SIK3: variants seen among roughly 807,000 people sequenced by gnomAD.
The protein encoded by SIK3 is serine/threonine-protein kinase SIK3.
In SIK3, 28 loss-of-function variants were observed where a neutral mutation model predicts 144.2. That is an observed-to-expected ratio of 0.19 (90% CI 0.14 to 0.27). The LOEUF (loss-of-function observed/expected upper bound fraction) is 0.27, where lower values mean the gene tolerates loss of function less well. SIK3 is among the 10% of genes least tolerant of loss of function. The pLI, the probability that SIK3 is intolerant of heterozygous loss-of-function variation, is 1.00. For missense variants in SIK3, 1,319 were observed against 1,776.0 expected, an observed-to-expected ratio of 0.74 and a Z score of 4.62; for synonymous variants, 686 against 676.3, an observed-to-expected ratio of 1.01 and a Z score of -0.22.
intron 1 of SIK3, among the ~76,000 whole-genome samples, chr11:116,978,830 C>T (rs1406680010): frequency 1.3e-5 from 2 of 152,044 alleles, no homozygotes; most frequent in East Asian, 3.8e-4. Context: ...TTCTAACTGC[C>T]TTTTTTGATC....
chr11:116,919,560 A>G (rs1337053148), intron 4 of SIK3, among the ~76,000 whole-genome samples: 2 of 152,244 alleles, frequency 1.3e-5, no homozygotes, highest in African/African-American at 4.8e-5. Context: ...CACAATTTTC[A>G]GAACATTCTT....
At chr11:116,875,023 AT>A in intron 11 of SIK3, 134 bp downstream of exon 11, 1 of 656,276 alleles carries the variant, frequency 1.5e-6, no homozygotes, top group Non-Finnish European at 2.7e-6. Flanking sequence ...ACATCATATC[AT>A]TTGTCCACTT....
intron 1 of SIK3, among the ~76,000 whole-genome samples, chr11:117,069,207 G>A (rs566608988): frequency 6.9e-6 from 1 of 145,358 alleles, no homozygotes; most frequent in Non-Finnish European, 1.5e-5. Flanking sequence ...GTTTGTTGTT[G>A]TTATTTTATG....
At chr11:116,978,826 CT>C (rs1950042837) in intron 1 of SIK3, among the ~76,000 whole-genome samples, 1 of 152,048 alleles carries the variant, frequency 6.6e-6, no homozygotes, top group Non-Finnish European at 1.5e-5. Flanking sequence ...TTATTTCTAA[CT>C]GCCTTTTTTG....
intron 4 of SIK3, among the ~76,000 whole-genome samples, chr11:116,915,799 T>C (rs1313361583): frequency 1.3e-5 from 2 of 152,202 alleles, no homozygotes; most frequent in East Asian, 1.9e-4. Flanking sequence ...CAATTTGAAT[T>C]TCAACATTAG....
intron 4 of SIK3, among the ~76,000 whole-genome samples, chr11:116,897,644 A>C (rs1945482581): frequency 6.6e-6 from 1 of 152,162 alleles, no homozygotes; most frequent in Non-Finnish European, 1.5e-5. Flanking sequence ...TAATCCCATC[A>C]CTTTGTGAGG....
intron 1 of SIK3, among the ~76,000 whole-genome samples, chr11:117,045,386 G>A (rs1473903111): frequency 6.6e-6 from 1 of 152,250 alleles, no homozygotes; most frequent in Non-Finnish European, 1.5e-5. Flanking sequence ...TAGTGGAACT[G>A]TTCCAGAGTT....
At chr11:116,871,664 AGT>A (rs1443806752) in intron 13 of SIK3, among the ~76,000 whole-genome samples, 1 of 152,242 alleles carries the variant, frequency 6.6e-6, no homozygotes, top group East Asian at 1.9e-4. Flanking sequence ...AATGGATGAC[AGT>A]GACCTGAGTT....
intron 1 of SIK3, among the ~76,000 whole-genome samples, chr11:117,001,275 G>A (rs988158731): frequency 1.3e-5 from 2 of 152,144 alleles, no homozygotes; most frequent in Non-Finnish European, 2.9e-5. Context: ...GGAGGCCAAG[G>A]CAGGTGCATC....
intron 4 of SIK3, among the ~76,000 whole-genome samples, chr11:116,925,685 T>C (rs1394498767): frequency 2.6e-5 from 4 of 152,260 alleles, no homozygotes; most frequent in African/African-American, 4.8e-5. Context: ...TAGGTATTAT[T>C]AGTATTAATT....
chr11:117,088,572 A>G (rs1400716526), intron 1 of SIK3, among the ~76,000 whole-genome samples: 1 of 152,250 alleles, frequency 6.6e-6, no homozygotes, highest in Non-Finnish European at 1.5e-5. Flanking sequence ...CATAAGGAAT[A>G]CAGCAGTGAA....
chr11:117,011,949 C>T (rs1951279255), intron 1 of SIK3, among the ~76,000 whole-genome samples: 1 of 152,038 alleles, frequency 6.6e-6, no homozygotes, highest in Admixed American at 6.6e-5. Flanking sequence ...GGCGGTCTGG[C>T]TATCAATACA....
chr11:116,941,637 A>G (rs188267200), intron 3 of SIK3, among the ~76,000 whole-genome samples: 20 of 152,340 alleles, frequency 1.3e-4, no homozygotes, highest in Admixed American at 1.2e-3. Context: ...TCAGGGTTCC[A>G]TACATGTTGG....
At chr11:117,034,051 T>C (rs940271734) in intron 1 of SIK3, among the ~76,000 whole-genome samples, 2 of 152,080 alleles carry the variant, frequency 1.3e-5, no homozygotes, top group African/African-American at 4.8e-5. Context: ...CTGCCATGTA[T>C]CATTCTGGGG....
At chr11:116,909,773 GA>G (rs1219405453) in intron 4 of SIK3, among the ~76,000 whole-genome samples, 3 of 152,024 alleles carry the variant, frequency 2.0e-5, no homozygotes, top group Non-Finnish European at 4.4e-5. Context: ...GACTAACTAA[GA>G]ACAGAGAGGG....
chr11:117,046,362 T>C (rs1377849670), intron 1 of SIK3, among the ~76,000 whole-genome samples: 1 of 152,236 alleles, frequency 6.6e-6, no homozygotes, highest in East Asian at 1.9e-4. Flanking sequence ...TTGATCTCTA[T>C]ATCCTTTGCG....
intron 6 of SIK3, among the ~76,000 whole-genome samples, chr11:116,885,704 GACTA>G (rs945596228): frequency 6.6e-6 from 1 of 151,994 alleles, no homozygotes; most frequent in African/African-American, 2.4e-5. Flanking sequence ...TTGATTCTTG[GACTA>G]ACTTACTATG....
At chr11:116,935,589 CCTTT>C (rs1421346967) in intron 3 of SIK3, among the ~76,000 whole-genome samples, 2 of 152,108 alleles carry the variant, frequency 1.3e-5, no homozygotes, top group Non-Finnish European at 2.9e-5. Flanking sequence ...TTACAAAAGG[CCTTT>C]CAAAAATGTT....
chr11:116,986,121 C>T (rs912009482), intron 1 of SIK3, among the ~76,000 whole-genome samples: 7 of 152,142 alleles, frequency 4.6e-5, no homozygotes, highest in Admixed American at 3.9e-4. Flanking sequence ...CCCACTCTTC[C>T]TCCTTTCTCT....
Sources: gnomAD v4.1 joint callset for allele counts (sites outside exome capture counted in the v4.1 genomes callset) on GRCh38, gnomAD v4.1.1 for gene constraint, MANE v1.5 for transcripts, NCBI Gene and HGNC (gene_info 2026-07-23, HGNC 2026-07-21) for gene names.